Variants in COX10 observed in about 807,000 individuals in gnomAD.
The protein encoded by COX10 is cytochrome c oxidase assembly factor heme A:farnesyltransferase COX10.
COX10 carries 27 observed loss-of-function variants against 37.3 expected under a neutral mutation model. The observed-to-expected ratio is 0.72, with a 90% CI of 0.53 to 1.00. The LOEUF (loss-of-function observed/expected upper bound fraction) is 1.00, where lower values mean the gene tolerates loss of function less well. Among genes scored for constraint, COX10 ranks in the 50% least tolerant of loss-of-function variants. COX10 has a pLI of 0.00. For missense variants in COX10, 475 were observed against 563.2 expected (o/e 0.84, Z 1.59); for synonymous variants, 222 against 229.1 (o/e 0.97, Z 0.28).
chr17:14,187,095 T>TA (rs1413237746), intron 5 of COX10, among the ~76,000 whole-genome samples: 2 of 152,106 alleles, frequency 1.3e-5, no homozygotes, highest in African/African-American at 4.8e-5. Context: ...ATACAGGTTC[T>TA]AGAAGATGGT....
At chr17:14,121,261 A>G (rs915915079) in intron 4 of COX10, among the ~76,000 whole-genome samples, 2 of 152,204 alleles carry the variant, frequency 1.3e-5, no homozygotes, top group Non-Finnish European at 2.9e-5. Flanking sequence ...TAAAAATTGT[A>G]TATTTATTCC....
At chr17:14,113,190 G>A (rs916573306) in intron 4 of COX10, among the ~76,000 whole-genome samples, 6 of 152,122 alleles carry the variant, frequency 3.9e-5, no homozygotes, top group Admixed American at 2.6e-4. Context: ...ACCTAGTCAT[G>A]CTCCTCTGGC....
At chr17:14,117,141 T>C (rs2142210143) in intron 4 of COX10, among the ~76,000 whole-genome samples, 1 of 152,356 alleles carries the variant, frequency 6.6e-6, no homozygotes, top group East Asian at 1.9e-4. Context: ...CATGAAGATA[T>C]TTTATTTTTA....
At chr17:14,202,581 G>A (rs1906576452) in intron 6 of COX10, among the ~76,000 whole-genome samples, 1 of 152,060 alleles carries the variant, frequency 6.6e-6, no homozygotes, top group African/African-American at 2.4e-5. Flanking sequence ...TAACTGCCTG[G>A]CACGTAAAAG....
intron 5 of COX10, among the ~76,000 whole-genome samples, chr17:14,179,601 TCAGA>T (rs1905794218): frequency 6.6e-6 from 1 of 152,200 alleles, no homozygotes; most frequent in Non-Finnish European, 1.5e-5. Flanking sequence ...CTCTGGAAAG[TCAGA>T]CAAAGAAGAA....
At chr17:14,198,478 C>T (rs1009804871) in intron 6 of COX10, among the ~76,000 whole-genome samples, 3 of 152,120 alleles carry the variant, frequency 2.0e-5, no homozygotes, top group East Asian at 1.9e-4. Context: ...ATTGGGCCTT[C>T]GTAATGACCA....
chr17:14,181,988 A>G lies in COX10; in HGVS notation c.696-10001A>G, dbSNP rs972259186. 5.6e-4 allele frequency: 545 copies of G among 968,426 alleles called. No individual in the cohort carries two copies. In the Middle Eastern group the frequency reaches 8.5e-3, roughly 15 times the overall value. 60.0% of individuals were successfully genotyped at this position (968,426 alleles called of 1,614,324 possible). On this transcript the variant is annotated intron_variant, in intron 5 of 6. Transcript: ENST00000261643. ...CAGTGGTCAGCAATGAGGGAGATTCATTTTGGTATTTTTTTCTTTTTTTTT... is the reference window on the plus strand; with the variant it reads ...CAGTGGTCAGCAATGAGGGAGATTCGTTTTGGTATTTTTTTCTTTTTTTTT...
intron 3 of COX10, among the ~76,000 whole-genome samples, chr17:14,099,311 T>C (rs1341548242): frequency 6.6e-6 from 1 of 152,142 alleles, no homozygotes; most frequent in Non-Finnish European, 1.5e-5. Flanking sequence ...CCTTACGAAC[T>C]ACCATCGAAC....
rs77756494 is a variant in COX10, at chr17:14,098,118, C to T, written c.500-4000C>T. Among the ~76,000 whole-genome samples, 349 of 152,134 alleles carry T rather than the reference C, an allele frequency of 2.3e-3. 1 individual carries two copies. The highest frequency in any genetic ancestry group is 8.1e-3 in the African/African-American group (336 of 41,506). On this transcript the variant is annotated intron_variant, in intron 3 of 6. Transcript: ENST00000261643. ...ACTCTAGATTTTACTAACTGTTTAT[C>T]GAGAATGTTATAGTAGATTTTCTTT...
Position 14,160,051 on chromosome 17 carries a change from A to G in COX10, c.695+104A>G, listed in dbSNP as rs1480408540. 5.1e-6 allele frequency: 5 copies of G among 989,932 alleles called. No homozygotes were observed. In the African/African-American group the frequency reaches 6.4e-5, roughly 13 times the overall value. 61.3% of individuals were successfully genotyped at this position (989,932 alleles called of 1,614,324 possible). On this transcript the variant is annotated intron_variant, in intron 5 of 6. Transcript: ENST00000261643. ...TGCTTTGAGCTGCGAAGTGGAAATA[A>G]AATACCCACAAAGAAACAAAGTGAT...
chr17:14,194,408 T>C (rs1906301671), intron 6 of COX10, among the ~76,000 whole-genome samples: 1 of 152,212 alleles, frequency 6.6e-6, no homozygotes, highest in Non-Finnish European at 1.5e-5. Flanking sequence ...TTGGCTAAAC[T>C]GCTAATAGTC....
At chr17:14,163,084 A>G (rs1905200970) in intron 5 of COX10, among the ~76,000 whole-genome samples, 1 of 152,158 alleles carries the variant, frequency 6.6e-6, no homozygotes, top group Non-Finnish European at 1.5e-5. Flanking sequence ...TTTGAAAATA[A>G]TCATGTGCGT....
intron 4 of COX10, among the ~76,000 whole-genome samples, chr17:14,152,610 C>G (rs1318379810): frequency 6.6e-6 from 1 of 152,180 alleles, no homozygotes; most frequent in Non-Finnish European, 1.5e-5. Flanking sequence ...GTATCTAATT[C>G]TGGGCCTGAC....
intron 2 of COX10, 79 bp from the exon 3 acceptor site, chr17:14,076,656 T>G (rs1226305682): frequency 2.3e-6 from 3 of 1,315,972 alleles, no homozygotes; most frequent in Admixed American, 1.8e-5. Context: ...AAAGCTGGTC[T>G]GATTGAAGAT....
chr17:14,201,522 A>G (rs1410457590), intron 6 of COX10, among the ~76,000 whole-genome samples: 2 of 152,246 alleles, frequency 1.3e-5, no homozygotes, highest in Non-Finnish European at 2.9e-5. Flanking sequence ...CATTACTGAA[A>G]AAAGTGTATT....
At chr17:14,160,481 C>A (rs76575205) in intron 5 of COX10, among the ~76,000 whole-genome samples, 35,671 of 151,846 alleles carry the variant, frequency 0.23, 5,186 homozygotes, top group Admixed American at 0.32. Flanking sequence ...ACCTCTAAAC[C>A]GGCATTTAAA....
intron 3 of COX10, among the ~76,000 whole-genome samples, chr17:14,097,813 A>G (rs975662297): frequency 1.3e-5 from 2 of 152,160 alleles, no homozygotes; most frequent in African/African-American, 4.8e-5. Context: ...GTGGATCTGG[A>G]TATTTAGAGA....
At chr17:14,206,174 C>T (rs1201572320) in intron 6 of COX10, among the ~76,000 whole-genome samples, 1 of 152,034 alleles carries the variant, frequency 6.6e-6, no homozygotes, top group East Asian at 1.9e-4. Context: ...GTGACGCACC[C>T]GCCTGCAGGT....
chr17:14,205,494 C>T (rs761461850), intron 6 of COX10, among the ~76,000 whole-genome samples: 8 of 152,222 alleles, frequency 5.3e-5, no homozygotes, highest in South Asian at 2.1e-4. Context: ...AGGGTCTGCT[C>T]GGTGCAGGCA....
Sources: allele counts gnomAD v4.1 joint callset (sites outside exome capture counted in the v4.1 genomes callset), GRCh38; gene constraint gnomAD v4.1.1; transcripts MANE v1.5; gene names NCBI Gene and HGNC (gene_info 2026-07-23, HGNC 2026-07-21).